SOX5: variants seen among roughly 807,000 people sequenced by gnomAD.
SOX5 encodes the protein SRY-box transcription factor 5.
SOX5 carries 9 observed loss-of-function variants against 92.0 expected under a neutral mutation model. That is an observed-to-expected ratio of 0.10 (90% CI 0.06 to 0.17). The LOEUF (loss-of-function observed/expected upper bound fraction) is 0.17, where lower values mean the gene tolerates loss of function less well. SOX5 is among the 10% of genes least tolerant of loss of function. The pLI is 1.00. For missense variants in SOX5, 642 were observed against 944.5 expected (o/e 0.68, Z 4.20); for synonymous variants, 344 against 336.3 (o/e 1.02, Z -0.25).
Position 24,410,924 on chromosome 12 carries a change from G to A in SOX5, c.-250-42285C>T, listed in dbSNP as rs184899368. Among the ~76,000 whole-genome samples, 244 of 152,256 alleles carry A rather than the reference G, an allele frequency of 1.6e-3. 2 individuals carry two copies. The highest frequency in any genetic ancestry group is 2.6e-3 in the Non-Finnish European group (177 of 68,008). Reference sequence around the variant, plus strand: ...TGAGGAGAACTGCCATCTTTGCCATGTTGAGTGTTCCAGTCCATGAACATG... The same window carrying A: ...TGAGGAGAACTGCCATCTTTGCCATATTGAGTGTTCCAGTCCATGAACATG... On this transcript the variant is annotated intron_variant, in intron 1 of 4. Transcript: ENST00000446891.
At chr12:23,766,091 T>C (rs1480028043) in intron 3 of SOX5, among the ~76,000 whole-genome samples, 4 of 152,240 alleles carry the variant, frequency 2.6e-5, no homozygotes, top group African/African-American at 9.6e-5. Context: ...GAATAGTAAA[T>C]AAATGTGCAG....
chr12:24,072,693 G>C (rs1042358794), intron 4 of SOX5, among the ~76,000 whole-genome samples: 1 of 151,908 alleles, frequency 6.6e-6, no homozygotes, highest in Non-Finnish European at 1.5e-5. Flanking sequence ...GACATTAATG[G>C]AAAAAAACCT....
At chr12:23,846,460 G>T (rs2096576454) in intron 2 of SOX5, among the ~76,000 whole-genome samples, 1 of 152,158 alleles carries the variant, frequency 6.6e-6, no homozygotes, top group Non-Finnish European at 1.5e-5. Context: ...TCTATTCAAA[G>T]GAGAAACCAA....
chr12:24,396,482 T>G (rs1960003651), intron 1 of SOX5, among the ~76,000 whole-genome samples: 1 of 152,248 alleles, frequency 6.6e-6, no homozygotes, highest in Non-Finnish European at 1.5e-5. Context: ...CTCATTTCAT[T>G]TAGAGCTGCC....
At chr12:23,706,272 G>T (rs550794583) in intron 6 of SOX5, among the ~76,000 whole-genome samples, 1 of 152,106 alleles carries the variant, frequency 6.6e-6, no homozygotes, top group African/African-American at 2.4e-5. Context: ...ACTGGTCCTG[G>T]TATGAAATAT....
chr12:23,752,382 TGAGA>T (rs2094208186), intron 4 of SOX5, among the ~76,000 whole-genome samples: 1 of 151,866 alleles, frequency 6.6e-6, no homozygotes, highest in African/African-American at 2.4e-5. Flanking sequence ...TAAAAACAAT[TGAGA>T]GTATTTTGCA....
intron 4 of SOX5, among the ~76,000 whole-genome samples, chr12:23,978,704 T>C (rs1400631253): frequency 6.6e-6 from 1 of 152,180 alleles, no homozygotes; most frequent in African/African-American, 2.4e-5. Flanking sequence ...GTTCCATATC[T>C]AGCTCTAAAT....
Position 23,969,936 on chromosome 12 carries a change from G to T in SOX5, c.-1-73912C>A, listed in dbSNP as rs149117143. 3.7e-3 allele frequency among the ~76,000 whole-genome samples: 565 copies of T among 152,160 alleles called. 2 individuals are homozygous for T. Among genetic ancestry groups the T allele is most frequent in the African/African-American group, 0.013 (534 of 41,502 alleles). On this transcript the variant is annotated intron_variant, in intron 4 of 4. Transcript: ENST00000446891. ...ATGAGCTCAAGGACGCAAGTGTGCCGGCAAAACTCCACAGTTACTTTCCAA... is the reference window on the plus strand; with the variant it reads ...ATGAGCTCAAGGACGCAAGTGTGCCTGCAAAACTCCACAGTTACTTTCCAA...
At chr12:24,143,740 C>G (rs1000577309) in intron 4 of SOX5, among the ~76,000 whole-genome samples, 1 of 149,336 alleles carries the variant, frequency 6.7e-6, no homozygotes, top group Non-Finnish European at 1.5e-5. Flanking sequence ...GTGGGACACT[C>G]TACTCTGGGA....
intron 1 of SOX5, among the ~76,000 whole-genome samples, chr12:24,561,026 T>C (rs1451683778): frequency 6.6e-6 from 1 of 152,234 alleles, no homozygotes; most frequent in Non-Finnish European, 1.5e-5. Flanking sequence ...TTTCCCTTGG[T>C]CCTGCCCTTG....
intron 2 of SOX5, among the ~76,000 whole-genome samples, chr12:24,357,947 T>C (rs1213347422): frequency 6.6e-6 from 1 of 152,230 alleles, no homozygotes. Context: ...TTACATACTT[T>C]ATTACAATCC....
At chr12:24,532,309 A>ATATC (rs1951268581) in intron 1 of SOX5, among the ~76,000 whole-genome samples, 1 of 152,210 alleles carries the variant, frequency 6.6e-6, no homozygotes, top group African/African-American at 2.4e-5. Flanking sequence ...TCCAGCCACT[A>ATATC]TATCTAAAAC....
intron 4 of SOX5, among the ~76,000 whole-genome samples, chr12:24,050,853 A>C (rs531053950): frequency 2.2e-4 from 34 of 152,210 alleles, no homozygotes; most frequent in African/African-American, 7.5e-4. Flanking sequence ...TCTTATTATT[A>C]TTATTATTTG....
intron 1 of SOX5, among the ~76,000 whole-genome samples, chr12:24,397,490 T>C (rs910023832): frequency 1.3e-5 from 2 of 152,326 alleles, no homozygotes; most frequent in African/African-American, 2.4e-5. Flanking sequence ...ACTCAACTCC[T>C]AACATAATAA....
chr12:23,606,985 T>C (rs1482967028), intron 8 of SOX5, among the ~76,000 whole-genome samples: 4 of 152,208 alleles, frequency 2.6e-5, no homozygotes, highest in African/African-American at 9.6e-5. Context: ...TAATTTATGA[T>C]GAGAATTTCA....
intron 4 of SOX5, among the ~76,000 whole-genome samples, chr12:24,198,205 C>T (rs1480852387): frequency 1.3e-5 from 2 of 151,366 alleles, no homozygotes; most frequent in East Asian, 3.9e-4. Context: ...TTACCACAAT[C>T]GCTATCCAAA....
chr12:24,015,069 T>A (rs1377713863), intron 4 of SOX5, among the ~76,000 whole-genome samples: 4 of 152,084 alleles, frequency 2.6e-5, no homozygotes, highest in Admixed American at 2.6e-4. Flanking sequence ...GTTCTCTCTT[T>A]CCCTCTCTCT....
At chr12:24,349,114 G>A (rs1953726964) in intron 2 of SOX5, among the ~76,000 whole-genome samples, 1 of 152,180 alleles carries the variant, frequency 6.6e-6, no homozygotes, top group African/African-American at 2.4e-5. Context: ...TTAGATTTGT[G>A]GATCCCTCTG....
chr12:24,338,414 A>G (rs1595725715), intron 2 of SOX5, among the ~76,000 whole-genome samples: 1 of 152,206 alleles, frequency 6.6e-6, no homozygotes, highest in Non-Finnish European at 1.5e-5. Flanking sequence ...GTTATTCTCT[A>G]AAGAGAATAG....
Sources: gnomAD v4.1 joint callset for allele counts (sites outside exome capture counted in the v4.1 genomes callset) on GRCh38, gnomAD v4.1.1 for gene constraint, MANE v1.5 for transcripts, NCBI Gene and HGNC (gene_info 2026-07-23, HGNC 2026-07-21) for gene names.